JMJD1C: variants seen among roughly 807,000 people sequenced by gnomAD.
JMJD1C encodes the protein jumonji domain containing 1C.
JMJD1C carries 31 observed loss-of-function variants against 245.3 expected under a neutral mutation model. The observed-to-expected ratio is 0.13, with a 90% CI of 0.09 to 0.17. The LOEUF (loss-of-function observed/expected upper bound fraction) is 0.17. Ranked by LOEUF, JMJD1C falls within the 10% of genes least tolerant of loss-of-function variation. The pLI is 1.00. For missense variants in JMJD1C, 2,691 were observed against 3,000.2 expected (o/e 0.90, Z 2.41); for synonymous variants, 1,057 against 1,017.4 (o/e 1.04, Z -0.74).
intron 1 of JMJD1C, among the ~76,000 whole-genome samples, chr10:63,493,908 AG>A (rs1433324374): frequency 1.3e-5 from 2 of 152,212 alleles, no homozygotes; most frequent in East Asian, 3.8e-4. Context: ...TTTAAAAAGA[AG>A]GAAAAAAATA....
intron 10 of JMJD1C, chr10:63,203,498 G>C (rs1846254605): frequency 5.1e-6 from 5 of 982,846 alleles, no homozygotes; most frequent in South Asian, 9.4e-5. Flanking sequence ...TATTTTTTTG[G>C]AGATAGAGAA....
chr10:63,412,142 G>A (rs944817353), intron 1 of JMJD1C, among the ~76,000 whole-genome samples: 7 of 151,984 alleles, frequency 4.6e-5, no homozygotes, highest in African/African-American at 1.2e-4. Flanking sequence ...AGGACAGCCC[G>A]CCCAGTCGAA....
At chr10:63,496,073 C>G (rs1033845114) in intron 1 of JMJD1C, among the ~76,000 whole-genome samples, 5 of 149,120 alleles carry the variant, frequency 3.4e-5, no homozygotes, top group Non-Finnish European at 5.9e-5. Flanking sequence ...AACCTCAAAC[C>G]TAAATATGAT....
intron 2 of JMJD1C, among the ~76,000 whole-genome samples, chr10:63,350,626 T>C (rs1185509762): frequency 6.6e-6 from 1 of 151,572 alleles, no homozygotes; most frequent in Non-Finnish European, 1.5e-5. Flanking sequence ...CTTTTTTTTT[T>C]TTTTTTTTGA....
At chr10:63,243,229 A>T (rs1316343034) in intron 3 of JMJD1C, among the ~76,000 whole-genome samples, 2 of 151,394 alleles carry the variant, frequency 1.3e-5, no homozygotes, top group Admixed American at 6.6e-5. Context: ...TCTATATCTT[A>T]AAATTTGATT....
intron 1 of JMJD1C, among the ~76,000 whole-genome samples, chr10:63,412,623 C>T (rs1384847863): frequency 6.6e-6 from 1 of 152,078 alleles, no homozygotes; most frequent in African/African-American, 2.4e-5. Flanking sequence ...AATACTGCAT[C>T]TTTATGTTTG....
chr10:63,407,657 G>A (rs1315820751), intron 1 of JMJD1C, among the ~76,000 whole-genome samples: 1 of 150,588 alleles, frequency 6.6e-6, no homozygotes, highest in Non-Finnish European at 1.5e-5. Context: ...ATAAAATACA[G>A]AGACTAAAAT....
chr10:63,354,835 T>G, intron 2 of JMJD1C, among the ~76,000 whole-genome samples: 1 of 136,590 alleles, frequency 7.3e-6, no homozygotes, highest in African/African-American at 2.8e-5. Flanking sequence ...GGCAACATGG[T>G]GAGATCCCAT....
Position 63,380,480 on chromosome 10 carries a change from C to T in JMJD1C, c.171G>A (p.Val57=). Residue 57 remains valine (V), a splice_region_variant and synonymous_variant, in exon 2 of 26, where the codon GTG becomes GTA. Coordinates refer to ENST00000399262, the MANE Select transcript of JMJD1C (RefSeq NM_032776.3). The part of the protein sequence containing the change: ...HRDSRNPDLA[V]YVEFDDLEWD... ...ATTCAAGATCATCAAATTCCACATA[C>T]ACCTATGAAAACAAAAACACAAAAT... 1.2e-6 allele frequency: 2 copies of T among 1,605,704 alleles called. No homozygotes were observed. The highest frequency in any genetic ancestry group is 1.7e-6 in the Non-Finnish European group (2 of 1,176,850).
intron 2 of JMJD1C, among the ~76,000 whole-genome samples, chr10:63,299,257 C>T (rs895083420): frequency 3.3e-5 from 5 of 152,138 alleles, no homozygotes; most frequent in African/African-American, 1.2e-4. Flanking sequence ...TCTTGGCTCA[C>T]TGCAACCTTT....
chr10:63,498,922 C>T (rs1191642692), intron 1 of JMJD1C, among the ~76,000 whole-genome samples: 1 of 152,204 alleles, frequency 6.6e-6, no homozygotes, highest in Non-Finnish European at 1.5e-5. Context: ...ATTCTACCCT[C>T]TGCTACTATG....
chr10:63,353,606 C>A (rs556370023), intron 2 of JMJD1C, among the ~76,000 whole-genome samples: 2 of 152,080 alleles, frequency 1.3e-5, no homozygotes, highest in East Asian at 3.9e-4. Flanking sequence ...ACCTCTTCCT[C>A]CCAAGTTCAA....
chr10:63,168,650 A>G (rs1217896850), intron 24 of JMJD1C, 84 bp from the exon 25 acceptor site: 23 of 1,228,878 alleles, frequency 1.9e-5, no homozygotes, highest in Non-Finnish European at 2.5e-5. Flanking sequence ...CAATAAACAC[A>G]AGAGACAATT....
intron 2 of JMJD1C, among the ~76,000 whole-genome samples, chr10:63,333,974 G>C (rs1019637198): frequency 3.9e-5 from 6 of 152,188 alleles, no homozygotes; most frequent in African/African-American, 1.4e-4. Flanking sequence ...AAAAAATAAT[G>C]TATTAGAATC....
intron 1 of JMJD1C, among the ~76,000 whole-genome samples, chr10:63,429,549 G>A (rs915154933): frequency 1.3e-5 from 2 of 152,116 alleles, no homozygotes; most frequent in Non-Finnish European, 2.9e-5. Flanking sequence ...TGCATAAAAC[G>A]AGTTGCTTTG....
chr10:63,518,222 TGA>T (rs900822649), intron 1 of JMJD1C, among the ~76,000 whole-genome samples: 1 of 152,228 alleles, frequency 6.6e-6, no homozygotes, highest in African/African-American at 2.4e-5. Context: ...GCACTTTTCA[TGA>T]GAGACTCTTC....
At chr10:63,355,202 T>C (rs765940119) in intron 2 of JMJD1C, among the ~76,000 whole-genome samples, 38 of 152,178 alleles carry the variant, frequency 2.5e-4, no homozygotes, top group Non-Finnish European at 3.4e-4. Flanking sequence ...TCATAAGAAA[T>C]TGCATTAAAA....
intron 1 of JMJD1C, among the ~76,000 whole-genome samples, chr10:63,459,055 T>C (rs954406364): frequency 1.3e-5 from 2 of 152,206 alleles, no homozygotes; most frequent in Admixed American, 6.5e-5. Context: ...ATTATGGTAA[T>C]ATAGTACAAG....
chr10:63,417,657 G>A (rs1048036925), intron 1 of JMJD1C, among the ~76,000 whole-genome samples: 6 of 151,984 alleles, frequency 3.9e-5, no homozygotes, highest in Non-Finnish European at 7.4e-5. Context: ...GGAAATGGAT[G>A]GATACAACTG....
Sources: gnomAD v4.1 joint callset for allele counts (sites outside exome capture counted in the v4.1 genomes callset) on GRCh38, gnomAD v4.1.1 for gene constraint, MANE v1.5 for transcripts, NCBI Gene and HGNC (gene_info 2026-07-23, HGNC 2026-07-21) for gene names.